Variants in NINL observed in about 807,000 individuals in gnomAD.
NINL encodes ninein-like protein.
A neutral mutation model predicts 160.3 loss-of-function variants in NINL; 153 were observed. The ratio of observed to expected loss-of-function variants is 0.95; its 90% confidence interval spans 0.84 to 1.09. NINL has a LOEUF of 1.09. Ranked by LOEUF, NINL falls within the 50% of genes least tolerant of loss-of-function variation. The pLI, the probability that NINL is intolerant of heterozygous loss-of-function variation, is 0.00. For synonymous variants in NINL, 800 were observed against 734.8 expected (o/e 1.09, Z -1.43); for missense variants, 1,829 against 1,764.0 (o/e 1.04, Z -0.66).
chr20:25,512,420 T>A (rs989191345), intron 4 of NINL, among the ~76,000 whole-genome samples: 13 of 152,230 alleles, frequency 8.5e-5, no homozygotes, highest in African/African-American at 3.1e-4. Flanking sequence ...TACAAAGGAT[T>A]CATGATAGTG....
rs6037123 is a variant in NINL, at chr20:25,466,525, T to C, written c.3423+864A>G. On this transcript the variant is annotated intron_variant, in intron 19 of 23. Coordinates refer to ENST00000278886, the MANE Select transcript of NINL (RefSeq NM_025176.6). ...GGTAAAATTTTTGGGGTAAGCCGGG[T>C]ACAGTGGCTCACACCTATAATCCCA... is the stretch of plus-strand genomic sequence containing the variant. Among the ~76,000 whole-genome samples the C allele has an allele frequency of 5.1e-3, 777 of 152,224 alleles. 10 individuals are homozygous for C. The highest frequency in any genetic ancestry group is 0.018 in the African/African-American group (738 of 41,560).
chr20:25,549,266 G>C (rs1294995012), intron 1 of NINL, among the ~76,000 whole-genome samples: 109 of 40,798 alleles, frequency 2.7e-3, no homozygotes, highest in South Asian at 4.5e-3. Context: ...CTGACCCCGG[G>C]ACCCACAGCC....
chr20:25,463,113 C>T (rs2062832589), intron 19 of NINL, among the ~76,000 whole-genome samples: 1 of 152,114 alleles, frequency 6.6e-6, no homozygotes, highest in Admixed American at 6.6e-5. Context: ...GGGCACTTGA[C>T]ACCCTACAAC....
At chr20:25,585,188 C>T (rs1313046749) in intron 1 of NINL, among the ~76,000 whole-genome samples, 1 of 152,208 alleles carries the variant, frequency 6.6e-6, no homozygotes, top group Admixed American at 6.5e-5. Flanking sequence ...CGCGCCGCCG[C>T]CGTCGGGAAA....
chr20:25,551,920 T>C (rs1417715349), intron 1 of NINL, among the ~76,000 whole-genome samples: 1 of 152,168 alleles, frequency 6.6e-6, no homozygotes, highest in African/African-American at 2.4e-5. Context: ...ACAGCAGATA[T>C]GTATCCTGAA....
chr20:25,506,575 C>T (rs1026594459), intron 5 of NINL, among the ~76,000 whole-genome samples: 6 of 152,224 alleles, frequency 3.9e-5, no homozygotes, highest in Admixed American at 1.3e-4. Flanking sequence ...CCACCAACAT[C>T]GTAACTGGGC....
chr20:25,462,570 GA>G (rs1471193680), intron 19 of NINL, 29 bp from the exon 20 acceptor site: 13 of 1,566,442 alleles, frequency 8.3e-6, no homozygotes, highest in Middle Eastern at 1.7e-4. Context: ...AAATACATAA[GA>G]AAAAAATGTT....
intron 4 of NINL, among the ~76,000 whole-genome samples, chr20:25,512,608 C>T (rs1382722126): frequency 6.6e-6 from 1 of 152,180 alleles, no homozygotes; most frequent in Non-Finnish European, 1.5e-5. Context: ...CTCTATTGCA[C>T]TAATTCAGGA....
At chr20:25,552,523 A>T (rs2064817721) in intron 1 of NINL, among the ~76,000 whole-genome samples, 1 of 152,254 alleles carries the variant, frequency 6.6e-6, no homozygotes, top group South Asian at 2.1e-4. Context: ...CTATTAATCA[A>T]ACAGTGATGC....
intron 3 of NINL, among the ~76,000 whole-genome samples, chr20:25,516,618 T>C (rs947192624): frequency 6.6e-6 from 1 of 152,190 alleles, no homozygotes; most frequent in Non-Finnish European, 1.5e-5. Context: ...TCTTTGATCA[T>C]ACCTCCAAGC....
rs757746619 is a variant in NINL at position 25,455,689 on chromosome 20, T to C, written c.3941A>G (p.Asp1314Gly). ...ATCACTCACCTGCTCCTTCAGCTTA[T>C]CCACTTTCTCTTGGAGGAGCATTTC... ...NMEMLLQEKV[D>G]KLKEQFEKNT... Residue 1314 changes from aspartate (D) to glycine (G), a missense_variant, in exon 23 of 24, where the codon GAT (aspartate) becomes GGT (glycine). Transcript: ENST00000278886. 1.2e-5 allele frequency: 20 copies of C among 1,613,478 alleles called. No homozygotes were observed. Among genetic ancestry groups the C allele is most frequent in the Non-Finnish European group, 1.7e-5 (20 of 1,179,456 alleles).
intron 17 of NINL, among the ~76,000 whole-genome samples, chr20:25,473,863 G>A (rs996429339): frequency 4.6e-5 from 7 of 151,894 alleles, no homozygotes; most frequent in African/African-American, 1.2e-4. Context: ...GTGAGACTCC[G>A]TCTCAAAAAA....
At chr20:25,490,957 C>T (rs1402429587) in intron 11 of NINL, among the ~76,000 whole-genome samples, 1 of 151,356 alleles carries the variant, frequency 6.6e-6, no homozygotes, top group Non-Finnish European at 1.5e-5. Flanking sequence ...CATCAAACCC[C>T]ATCAGCTCCA....
chr20:25,476,075 C>T lies in NINL; in HGVS notation c.3216G>A (p.Leu1072=). 2 of 1,613,776 alleles carry T rather than the reference C, an allele frequency of 1.2e-6. No individual in the cohort carries two copies. Among genetic ancestry groups the T allele is most frequent in the Middle Eastern group, 1.7e-4 (1 of 6,060 alleles). ...TCTCTCTCAAATCTACATGTTTCTC[C>T]AGAGCCCGGACGACGTCTTCCAGAT... The part of the protein sequence containing the change: ...LLHLEDVVRA[L]EKHVDLREND... The change falls in exon 17 of 24, where the codon CTG becomes CTA. Residue 1072 remains leucine (L), a synonymous_variant. Transcript: ENST00000278886.
intron 13 of NINL, 112 bp from the exon 14 acceptor site, chr20:25,482,212 G>T (rs1461965557): frequency 2.7e-5 from 34 of 1,236,834 alleles, no homozygotes; most frequent in Non-Finnish European, 3.7e-5. Flanking sequence ...ACTGTGAGGT[G>T]AGGGCCTGTT....
At chr20:25,518,259 T>C (rs185074273) in intron 2 of NINL, among the ~76,000 whole-genome samples, 30 of 152,322 alleles carry the variant, frequency 2.0e-4, no homozygotes, top group African/African-American at 7.0e-4. Flanking sequence ...CTTCCTCGCT[T>C]TTCTAGACCT....
At chr20:25,482,678 T>C (rs1262001187) in intron 13 of NINL, among the ~76,000 whole-genome samples, 3 of 147,228 alleles carry the variant, frequency 2.0e-5, no homozygotes, top group African/African-American at 7.4e-5. Flanking sequence ...CACTGTTATA[T>C]GGGAGGGGCT....
chr20:25,495,363 A>G lies in NINL; in HGVS notation c.1310+1300T>C, dbSNP rs567395716. Among the ~76,000 whole-genome samples, 12 of 152,294 alleles carry G rather than the reference A, an allele frequency of 7.9e-5. No individual in the cohort carries two copies. The East Asian group carries it at 2.3e-3, about 29-fold the overall frequency. Reference sequence around the variant, plus strand: ...CGCCCGCATCCCTGGAGGGTGCCACACCACGTGGCTCCATCGCGCATAGCT... The same window carrying G: ...CGCCCGCATCCCTGGAGGGTGCCACGCCACGTGGCTCCATCGCGCATAGCT... On this transcript the variant is annotated intron_variant, in intron 10 of 23. Transcript: ENST00000278886.
At chr20:25,523,692 G>C (rs1356667036) in intron 2 of NINL, among the ~76,000 whole-genome samples, 2 of 152,152 alleles carry the variant, frequency 1.3e-5, no homozygotes, top group Non-Finnish European at 2.9e-5. Context: ...GCCCAGGCTG[G>C]AGTGCAATGG....
Sources: allele counts gnomAD v4.1 joint callset (sites outside exome capture counted in the v4.1 genomes callset), GRCh38; gene constraint gnomAD v4.1.1; transcripts MANE v1.5; gene names NCBI Gene and HGNC (gene_info 2026-07-23, HGNC 2026-07-21).